The following NFKB1 variants were observed in gnomAD, a reference collection of about 807,000 sequenced individuals.
NFKB1 encodes the protein nuclear factor NF-kappa-B p105 subunit.
Under a neutral mutation model 105.1 loss-of-function variants are expected in NFKB1, and 9 were observed. The observed-to-expected ratio is 0.09, with a 90% CI of 0.05 to 0.15. NFKB1 has a LOEUF of 0.15. Among genes scored for constraint, NFKB1 ranks in the 10% least tolerant of loss-of-function variants. NFKB1 has a pLI of 1.00. For missense variants in NFKB1, 830 were observed against 1,203.7 expected, an observed-to-expected ratio of 0.69 and a Z score of 4.59; for synonymous variants, 440 against 442.2, an observed-to-expected ratio of 1.00 and a Z score of 0.06.
intron 2 of NFKB1, 24 bp downstream of exon 2, chr4:102,525,581 A>G: frequency 1.3e-6 from 2 of 1,589,520 alleles, no homozygotes; most frequent in Non-Finnish European, 1.7e-6. Context: ...TCTCACTGAT[A>G]ACTTTATTTA....
chr4:102,586,108 A>T (rs1370450270), intron 11 of NFKB1, among the ~76,000 whole-genome samples: 1 of 152,180 alleles, frequency 6.6e-6, no homozygotes, highest in East Asian at 1.9e-4. Context: ...GATGAGTCAG[A>T]AGAGTAATGC....
At chr4:102,596,447 C>T in intron 14 of NFKB1, 115 bp downstream of exon 14, 2 of 776,806 alleles carry the variant, frequency 2.6e-6, no homozygotes. Context: ...TTAGTGTACT[C>T]TTCAAAGTTC....
At chr4:102,559,418 C>G (rs1381893701) in intron 5 of NFKB1, among the ~76,000 whole-genome samples, 1 of 151,592 alleles carries the variant, frequency 6.6e-6, no homozygotes, top group Non-Finnish European at 1.5e-5. Context: ...ATGGCTTGAA[C>G]AGGATCACTC....
Position 102,593,447 on chromosome 4 carries a change from A to G in NFKB1, c.1089A>G (p.Lys363=). Residue 363 remains lysine (K), a synonymous_variant, in exon 12 of 24, where the codon AAA becomes AAG. Coordinates refer to ENST00000226574, the MANE Select transcript of NFKB1 (RefSeq NM_003998.4). The part of the protein sequence containing the change: ...EIKDKEEVQR[K]RQKLMPNFSD... ...CAGATAAAGAAGAAGTGCAGAGGAA[A>G]CGTCAGAAGCTCATGCCCAATTTTT... is the stretch of plus-strand genomic sequence containing the variant. 1 of 1,613,276 alleles carries G rather than the reference A, an allele frequency of 6.2e-7. No individual in the cohort carries two copies. Among genetic ancestry groups the G allele is most frequent in the Non-Finnish European group, 8.5e-7 (1 of 1,179,442 alleles).
At chr4:102,614,870 T>TGGTCAGAAGCG (rs1365743036) in intron 23 of NFKB1, among the ~76,000 whole-genome samples, 3 of 152,042 alleles carry the variant, frequency 2.0e-5, no homozygotes, top group African/African-American at 7.2e-5. Context: ...ACTGGCTACA[T>TGGTCAGAAGCG]CTGTCAGAAG....
chr4:102,573,151 A>G (rs1724524931), intron 6 of NFKB1, among the ~76,000 whole-genome samples: 1 of 152,090 alleles, frequency 6.6e-6, no homozygotes, highest in Non-Finnish European at 1.5e-5. Flanking sequence ...TCTACTAAAA[A>G]TACAAAATTA....
intron 11 of NFKB1, among the ~76,000 whole-genome samples, chr4:102,585,241 C>T (rs1725622933): frequency 6.6e-6 from 1 of 152,102 alleles, no homozygotes; most frequent in Non-Finnish European, 1.5e-5. Flanking sequence ...ATCAGTTAGT[C>T]ACCTCCTTTG....
chr4:102,584,664 G>A lies in NFKB1; in HGVS notation c.928-18G>A. The A allele has an allele frequency of 6.4e-7, 1 of 1,574,066 alleles. No homozygotes were observed. Among genetic ancestry groups the A allele is most frequent in the Non-Finnish European group, 8.6e-7 (1 of 1,165,314 alleles). ...AAATGTAGTCCTACACCAACATGTG[G>A]TTCTTCGTATCCTGCAGTTTGCCAT... On this transcript the variant is annotated intron_variant, in intron 10 of 23. Transcript: ENST00000226574.
intron 5 of NFKB1, among the ~76,000 whole-genome samples, chr4:102,539,236 C>CAAA (rs550342036): frequency 2.8e-4 from 27 of 95,426 alleles, no homozygotes; most frequent in South Asian, 8.2e-4. Flanking sequence ...GACTCTGTCT[C>CAAA]AAAAAAAAAA....
At chr4:102,573,252 G>A (rs1329701944) in intron 6 of NFKB1, among the ~76,000 whole-genome samples, 1 of 152,202 alleles carries the variant, frequency 6.6e-6, no homozygotes, top group Middle Eastern at 3.4e-3. Context: ...AGGTTGCGGT[G>A]AGCCGAGATC....
Position 102,573,642 on chromosome 4 carries a change from T to C in NFKB1, c.408-3234T>C, listed in dbSNP as rs191172433. On this transcript the variant is annotated intron_variant, in intron 6 of 23. Transcript: ENST00000226574. ...TTCAAATATATTTTCTGTCCACTCC[T>C]CTTCATCTTCTTCTGGAACCCCAGT... 6.6e-5 allele frequency among the ~76,000 whole-genome samples: 10 copies of C among 152,272 alleles called. No homozygotes were observed. In the East Asian group the frequency reaches 1.7e-3, roughly 26 times the overall value.
At chr4:102,575,682 T>G (rs886770738) in intron 6 of NFKB1, among the ~76,000 whole-genome samples, 16 of 152,216 alleles carry the variant, frequency 1.1e-4, no homozygotes, top group Non-Finnish European at 1.5e-4. Context: ...CTTCAAGTTT[T>G]TGCTCAGTTG....
At chr4:102,517,733 A>T (rs575230383) in intron 1 of NFKB1, among the ~76,000 whole-genome samples, 10 of 152,190 alleles carry the variant, frequency 6.6e-5, no homozygotes, top group African/African-American at 9.7e-5. Flanking sequence ...TGAAGAGTGG[A>T]TGCTATTGAG....
chr4:102,546,826 C>T lies in NFKB1; in HGVS notation c.258+8870C>T, dbSNP rs74852217. ...AGGCAGAGAGGTGATGAGGAAGTTGCCTGTCTCAGCCTAGGGGGAATCAGA... is the reference window on the plus strand; with the variant it reads ...AGGCAGAGAGGTGATGAGGAAGTTGTCTGTCTCAGCCTAGGGGGAATCAGA... On this transcript the variant is annotated intron_variant, in intron 5 of 23. Transcript: ENST00000226574. Among the ~76,000 whole-genome samples the T allele has an allele frequency of 8.6e-3, 1,316 of 152,268 alleles. 12 individuals carry two copies. Among genetic ancestry groups the T allele is most frequent in the African/African-American group, 0.03 (1,231 of 41,552 alleles).
rs1364504275 is a variant in NFKB1 at position 102,537,881 on chromosome 4, A to G, written c.183A>G (p.Val61=). The G allele has an allele frequency of 1.2e-5, 19 of 1,610,664 alleles. No homozygotes were observed. Among genetic ancestry groups the G allele is most frequent in the Non-Finnish European group, 1.5e-5 (18 of 1,177,400 alleles). The change falls in exon 5 of 24, where the codon GTA becomes GTG. Residue 61 remains valine (V), a synonymous_variant. Transcript: ENST00000226574. ...AGAGAGGATTTCGTTTCCGTTATGTATGTGAAGGCCCATCCCATGGTGGAC... is the reference window on the plus strand; with the variant it reads ...AGAGAGGATTTCGTTTCCGTTATGTGTGTGAAGGCCCATCCCATGGTGGAC... ...PKQRGFRFRY[V]CEGPSHGGLP...
chr4:102,610,477 C>A, intron 19 of NFKB1, 98 bp from the exon 20 acceptor site: 1 of 1,294,112 alleles, frequency 7.7e-7, no homozygotes. Context: ...TTGCCTCAAG[C>A]TGCTACATTG....
chr4:102,533,991 C>A, intron 4 of NFKB1, 106 bp downstream of exon 4: 1 of 962,224 alleles, frequency 1.0e-6, no homozygotes, highest in Non-Finnish European at 1.6e-6. Context: ...AGTAGTTTAT[C>A]TGAAAGATCA....
chr4:102,513,862 C>T lies in NFKB1; in HGVS notation c.-7-11650C>T, dbSNP rs527523961. 3.3e-5 allele frequency among the ~76,000 whole-genome samples: 5 copies of T among 151,942 alleles called. No homozygotes were observed. In the South Asian group the frequency reaches 6.2e-4, roughly 19 times the overall value. On this transcript the variant is annotated intron_variant, in intron 1 of 23. Transcript: ENST00000226574. ...ACGTGGTCTATCTTCGTGAATATTC[C>T]GTGTGTATTTAAAAATAATGTGGAC...
chr4:102,581,265 T>G (rs982635275), intron 9 of NFKB1, among the ~76,000 whole-genome samples: 2 of 152,192 alleles, frequency 1.3e-5, no homozygotes, highest in Non-Finnish European at 2.9e-5. Context: ...AACTGCATTC[T>G]TTTTTTAAAT....
Sources: allele counts gnomAD v4.1 joint callset (sites outside exome capture counted in the v4.1 genomes callset), GRCh38; gene constraint gnomAD v4.1.1; transcripts MANE v1.5; gene names NCBI Gene and HGNC (gene_info 2026-07-23, HGNC 2026-07-21).